GRID1: variants seen among roughly 807,000 people sequenced by gnomAD.
GRID1 encodes the protein glutamate receptor ionotropic, delta-1.
GRID1 carries 28 observed loss-of-function variants against 98.0 expected under a neutral mutation model. That is an observed-to-expected ratio of 0.29 (90% CI 0.21 to 0.39). The LOEUF (loss-of-function observed/expected upper bound fraction) is 0.39, where lower values mean the gene tolerates loss of function less well. Ranked by LOEUF, GRID1 falls within the 10% of genes least tolerant of loss-of-function variation. The pLI, the probability that GRID1 is intolerant of heterozygous loss-of-function variation, is 1.00. For synonymous variants in GRID1, 553 were observed against 538.5 expected (o/e 1.03, Z -0.37); for missense variants, 1,111 against 1,340.5 (o/e 0.83, Z 2.67).
chr10:86,023,187 G>A (rs1843073028), intron 4 of GRID1, among the ~76,000 whole-genome samples: 1 of 152,110 alleles, frequency 6.6e-6, no homozygotes, highest in Non-Finnish European at 1.5e-5. Flanking sequence ...ATGCAGTAGA[G>A]AGACCCTGCC....
Position 86,311,335 on chromosome 10 carries a change from TGGGGCAGCTGGGAGACCTAGTC to T in GRID1, c.235+52584_235+52605del, listed in dbSNP as rs555622878. Reference sequence around the variant, plus strand: ...TTCAGCAAGCAGGAGGAGGATATCCTGGGGCAGCTGGGAGACCTAGTCGGGGCAGCTGGGAGACCTAATCAGG... The same window carrying T: ...TTCAGCAAGCAGGAGGAGGATATCCTGGGGCAGCTGGGAGACCTAATCAGG... On this transcript the variant is annotated intron_variant, in intron 2 of 15. Coordinates refer to ENST00000327946, the MANE Select transcript of GRID1 (RefSeq NM_017551.3). Among the ~76,000 whole-genome samples the T allele has an allele frequency of 2.0e-4, 31 of 152,222 alleles. No individual in the cohort carries two copies. In the South Asian group the frequency reaches 3.7e-3, roughly 18 times the overall value.
intron 4 of GRID1, among the ~76,000 whole-genome samples, chr10:86,028,353 C>T (rs1371013244): frequency 1.3e-5 from 2 of 152,116 alleles, no homozygotes; most frequent in African/African-American, 2.4e-5. Context: ...CTCATCAAGG[C>T]TATGGAATTA....
At chr10:86,292,159 C>A (rs78708721) in intron 2 of GRID1, among the ~76,000 whole-genome samples, 3 of 152,282 alleles carry the variant, frequency 2.0e-5, no homozygotes, top group African/African-American at 4.8e-5. Context: ...AGCACGCACG[C>A]CCCAGCACAG....
At chr10:85,948,901 C>A (rs1842084023) in intron 4 of GRID1, among the ~76,000 whole-genome samples, 1 of 152,154 alleles carries the variant, frequency 6.6e-6, no homozygotes, top group African/African-American at 2.4e-5. Flanking sequence ...TACGATATTT[C>A]ATTGTTGTCT....
At chr10:86,284,553 C>G (rs556312623) in intron 2 of GRID1, among the ~76,000 whole-genome samples, 86 of 152,354 alleles carry the variant, frequency 5.6e-4, no homozygotes, top group Admixed American at 1.8e-3. Context: ...GGAGTTGAAC[C>G]AGCTCTTCTG....
chr10:86,122,376 C>T (rs567909443), intron 4 of GRID1, among the ~76,000 whole-genome samples: 299 of 152,368 alleles, frequency 2.0e-3, no homozygotes, highest in Middle Eastern at 3.4e-3. Context: ...CAGGATCATT[C>T]CCTGCACATT....
rs17105842 is a variant in GRID1, at chr10:85,757,856, C to T, written c.1234-28242G>A. Among the ~76,000 whole-genome samples the T allele has an allele frequency of 0.01, 1,593 of 152,326 alleles. 59 individuals are homozygous for T. The East Asian group carries it at 0.13, about 12-fold the overall frequency. On this transcript the variant is annotated intron_variant, in intron 8 of 15. Coordinates refer to ENST00000327946, the MANE Select transcript of GRID1 (RefSeq NM_017551.3). The stretch of plus-strand genomic sequence containing the variant: ...CCAACTAAAAAGGGTCTGGTACATT[C>T]TTGGAGTTCAGTAAATATTGCAGCA...
chr10:86,156,557 G>T (rs1287058629), intron 3 of GRID1, among the ~76,000 whole-genome samples: 2 of 152,226 alleles, frequency 1.3e-5, no homozygotes, highest in Non-Finnish European at 2.9e-5. Context: ...CCACATTTGG[G>T]TCCCTGGTTT....
intron 8 of GRID1, among the ~76,000 whole-genome samples, chr10:85,846,325 G>A (rs553645245): frequency 6.6e-6 from 1 of 152,156 alleles, no homozygotes; most frequent in African/African-American, 2.4e-5. Flanking sequence ...TTGAGGCTAG[G>A]AGTTTGAAAT....
intron 2 of GRID1, among the ~76,000 whole-genome samples, chr10:86,252,052 T>C (rs548717941): frequency 1.3e-3 from 194 of 152,304 alleles, no homozygotes; most frequent in Non-Finnish European, 2.4e-3. Context: ...ATGAGGAAAC[T>C]GAGGCTCTGA....
intron 4 of GRID1, among the ~76,000 whole-genome samples, chr10:86,041,022 C>T (rs550984246): frequency 4.6e-5 from 7 of 152,264 alleles, no homozygotes; most frequent in African/African-American, 1.7e-4. Flanking sequence ...TTCTGCCTCT[C>T]CTCTCCTGCG....
intron 4 of GRID1, among the ~76,000 whole-genome samples, chr10:86,103,945 T>C (rs1844340113): frequency 6.6e-6 from 1 of 152,164 alleles, no homozygotes; most frequent in African/African-American, 2.4e-5. Context: ...ATCACAACTG[T>C]TCCTCCTGGC....
intron 2 of GRID1, among the ~76,000 whole-genome samples, chr10:86,263,823 C>CA (rs1328416652): frequency 5.3e-5 from 8 of 152,142 alleles, no homozygotes; most frequent in African/African-American, 1.9e-4. Flanking sequence ...TGGGCTAGAC[C>CA]ACTGGGTTTC....
intron 4 of GRID1, among the ~76,000 whole-genome samples, chr10:86,061,989 G>C (rs1411870742): frequency 6.6e-6 from 1 of 152,158 alleles, no homozygotes; most frequent in African/African-American, 2.4e-5. Flanking sequence ...CTCTCCCTTA[G>C]ACACCCCTAT....
chr10:86,032,850 A>G (rs1192905684), intron 4 of GRID1, among the ~76,000 whole-genome samples: 2 of 143,430 alleles, frequency 1.4e-5, no homozygotes, highest in Non-Finnish European at 3.1e-5. Flanking sequence ...AAAAAAAAAG[A>G]GTACCTCCTT....
At chr10:85,929,225 A>G (rs1351586358) in intron 4 of GRID1, among the ~76,000 whole-genome samples, 1 of 152,178 alleles carries the variant, frequency 6.6e-6, no homozygotes. Context: ...ATTGTGTGCA[A>G]GGCCAGCACA....
intron 4 of GRID1, among the ~76,000 whole-genome samples, chr10:86,123,732 T>C (rs1007389074): frequency 6.6e-6 from 1 of 152,182 alleles, no homozygotes; most frequent in African/African-American, 2.4e-5. Context: ...GGGCACGTCC[T>C]CTCTCAGCCC....
chr10:85,839,332 A>C (rs899963552), intron 8 of GRID1, among the ~76,000 whole-genome samples: 1 of 152,224 alleles, frequency 6.6e-6, no homozygotes, highest in African/African-American at 2.4e-5. Flanking sequence ...AAACAACAGA[A>C]TAAACATCTT....
At chr10:86,187,076 T>C (rs906839128) in intron 3 of GRID1, among the ~76,000 whole-genome samples, 1 of 152,180 alleles carries the variant, frequency 6.6e-6, no homozygotes, top group Non-Finnish European at 1.5e-5. Flanking sequence ...CCTTATCATT[T>C]GACCATCCCC....
Sources: gnomAD v4.1 joint callset for allele counts (sites outside exome capture counted in the v4.1 genomes callset) on GRCh38, gnomAD v4.1.1 for gene constraint, MANE v1.5 for transcripts, NCBI Gene and HGNC (gene_info 2026-07-23, HGNC 2026-07-21) for gene names.